The following RAPGEF5 variants were observed in gnomAD, a reference collection of about 807,000 sequenced individuals.
RAPGEF5 encodes M-Ras-regulated GEF.
In RAPGEF5, 65 loss-of-function variants were observed where a neutral mutation model predicts 125.2. That is an observed-to-expected ratio of 0.52 (90% CI 0.43 to 0.64). The LOEUF is 0.64. RAPGEF5 is among the 30% of genes least tolerant of loss of function. The pLI is 0.00. For missense variants in RAPGEF5, 958 were observed against 1,048.1 expected (o/e 0.91, Z 1.19); for synonymous variants, 391 against 385.9 (o/e 1.01, Z -0.16).
chr7:22,230,828 T>C lies in RAPGEF5; in HGVS notation c.870+18A>G. On this transcript the variant is annotated intron_variant, in intron 8 of 25. Transcript: ENST00000665637. ...CACAGAAGGGTATGATGAGGGGCTGTCACAGAATTGATCATACCTGAGAAT... is the reference window on the plus strand; with the variant it reads ...CACAGAAGGGTATGATGAGGGGCTGCCACAGAATTGATCATACCTGAGAAT... 2 of 1,557,386 alleles carry C rather than the reference T, an allele frequency of 1.3e-6. No individual in the cohort carries two copies. The highest frequency in any genetic ancestry group is 1.7e-6 in the Non-Finnish European group (2 of 1,147,110).
chr7:22,162,474 A>C lies in RAPGEF5; in HGVS notation c.1351T>G (p.Leu451Val). 6.2e-7 allele frequency: 1 copy of C among 1,604,554 alleles called. No homozygotes were observed. The highest frequency in any genetic ancestry group is 8.5e-7 in the Non-Finnish European group (1 of 1,171,374). ...GCAATCCACTGGGAAACAAGATGCA[A>C]GACTTTACGTTTCCTACGCGGAACG... ...SDVPRRKRKV[L>V]HLVSQWIALY... Residue 451 changes from leucine to valine, a missense_variant, in exon 13 of 26, where the codon TTG becomes GTG. By Grantham distance (32) the Leu-to-Val change is conservative. Coordinates refer to ENST00000665637, the MANE Select transcript of RAPGEF5 (RefSeq NM_012294.5).
At position 22,145,151 on chromosome 7, in the gene RAPGEF5, G is replaced by C; in HGVS notation, c.2079C>G (p.Leu693=). 1 of 1,613,696 alleles carries C rather than the reference G, an allele frequency of 6.2e-7. No individual in the cohort carries two copies. Among genetic ancestry groups the C allele is most frequent in the Non-Finnish European group, 8.5e-7 (1 of 1,179,764 alleles). Reference sequence around the variant, plus strand: ...AAAGCTGGACCTCATTGCATCTCTGGAGCAGAAGGCTGAGATTTGCAGTGT... The same window carrying C: ...AAAGCTGGACCTCATTGCATCTCTGCAGCAGAAGGCTGAGATTTGCAGTGT... ...GEHTANLSLL[L]QRCNEVQLWV... is the part of the protein sequence containing the mutation. Residue 693 remains leucine, a synonymous_variant, in exon 20 of 26, where the codon CTC becomes CTG. Transcript: ENST00000665637.
At chr7:22,310,135 C>A in intron 3 of RAPGEF5, 45 bp from the exon 4 acceptor site, 1 of 1,444,314 alleles carries the variant, frequency 6.9e-7, no homozygotes, top group Non-Finnish European at 9.1e-7. Flanking sequence ...TGCTGACATC[C>A]GTTTGCCAAA....
In RAPGEF5 at chr7:22,245,161, G is replaced by C. The variant is rs530351659; in HGVS notation, c.797-14242C>G. ...AAGTTCTTTGGCCATTTTAAAATCAGGTTTTCTTCCTATCATGTTGTTTCA... is the reference window on the plus strand; with the variant it reads ...AAGTTCTTTGGCCATTTTAAAATCACGTTTTCTTCCTATCATGTTGTTTCA... On this transcript the variant is annotated intron_variant, in intron 7 of 25. Transcript: ENST00000665637. Among the ~76,000 whole-genome samples the C allele has an allele frequency of 2.0e-5, 3 of 152,182 alleles. No homozygotes were observed. In the South Asian group the frequency reaches 6.2e-4, roughly 32 times the overall value.
At chr7:22,228,137 G>A (rs1299076109) in intron 8 of RAPGEF5, among the ~76,000 whole-genome samples, 2 of 152,146 alleles carry the variant, frequency 1.3e-5, no homozygotes, top group Admixed American at 6.5e-5. Flanking sequence ...TGTGTGTCAG[G>A]TGCTGTTCTA....
At chr7:22,273,416 C>T (rs1227987187) in intron 6 of RAPGEF5, among the ~76,000 whole-genome samples, 4 of 151,408 alleles carry the variant, frequency 2.6e-5, no homozygotes, top group African/African-American at 9.7e-5. Flanking sequence ...GACGGGGTTT[C>T]ACCATGTTAG....
At chr7:22,261,534 C>A (rs971661511) in intron 7 of RAPGEF5, among the ~76,000 whole-genome samples, 2 of 152,112 alleles carry the variant, frequency 1.3e-5, no homozygotes, top group African/African-American at 2.4e-5. Context: ...ACTGCTTGAG[C>A]CTGGGAGGTC....
At chr7:22,125,406 C>T (rs1306723044) in intron 25 of RAPGEF5, 198 bp downstream of exon 25, 8 of 524,464 alleles carry the variant, frequency 1.5e-5, no homozygotes, top group Non-Finnish European at 2.1e-5. Flanking sequence ...AATAATCTGC[C>T]ATATCTTGTC....
chr7:22,306,592 T>G (rs1186575669), intron 5 of RAPGEF5, among the ~76,000 whole-genome samples: 1 of 152,228 alleles, frequency 6.6e-6, no homozygotes, highest in East Asian at 1.9e-4. Context: ...TTTGTCCATT[T>G]TTGCATTAGT....
At chr7:22,146,258 G>T (rs1237147812) in intron 19 of RAPGEF5, among the ~76,000 whole-genome samples, 1 of 152,152 alleles carries the variant, frequency 6.6e-6, no homozygotes, top group Non-Finnish European at 1.5e-5. Context: ...GCAACATATG[G>T]TTACAGAGGG....
intron 13 of RAPGEF5, among the ~76,000 whole-genome samples, chr7:22,161,487 T>C (rs960122683): frequency 2.0e-5 from 3 of 151,416 alleles, no homozygotes; most frequent in Non-Finnish European, 2.9e-5. Context: ...CAGTGAACTA[T>C]GACTGCGTCA....
At chr7:22,234,840 A>G (rs375249931) in intron 7 of RAPGEF5, among the ~76,000 whole-genome samples, 221 of 152,070 alleles carry the variant, frequency 1.5e-3, no homozygotes, top group African/African-American at 5.0e-3. Context: ...AACAAACAAC[A>G]ACAACAAAAA....
At chr7:22,256,398 C>G (rs10499554) in intron 7 of RAPGEF5, among the ~76,000 whole-genome samples, 27,081 of 152,040 alleles carry the variant, frequency 0.18, 3,016 homozygotes, top group East Asian at 0.56. Flanking sequence ...ATTGTTAGAA[C>G]AGGATTTTTA....
At chr7:22,328,226 AG>A (rs1405044392) in intron 1 of RAPGEF5, among the ~76,000 whole-genome samples, 1 of 152,236 alleles carries the variant, frequency 6.6e-6, no homozygotes, top group Non-Finnish European at 1.5e-5. Flanking sequence ...AAGGGAAAAC[AG>A]GATGTGTGAG....
rs540147642 is a variant in RAPGEF5 at position 22,283,646 on chromosome 7, ACT to A, written c.747+7527_747+7528del. 4.9e-4 allele frequency among the ~76,000 whole-genome samples: 74 copies of A among 152,220 alleles called. 1 individual carries two copies. The South Asian group carries it at 0.015, about 31-fold the overall frequency. On this transcript the variant is annotated intron_variant, in intron 6 of 25. Transcript: ENST00000665637. ...CACATTAACACTTCACAAACCCATG[ACT>A]CTCAATATCCAAATTGAGAGTCAAA... is the stretch of plus-strand genomic sequence containing the variant.
intron 20 of RAPGEF5, 55 bp from the exon 21 acceptor site, chr7:22,140,170 A>G (rs1189642655): frequency 6.8e-7 from 1 of 1,471,210 alleles, no homozygotes; most frequent in Admixed American, 2.0e-5. Context: ...TTCCCCAGAT[A>G]ATCACAAAAG....
chr7:22,277,286 A>C (rs553504276), intron 6 of RAPGEF5, among the ~76,000 whole-genome samples: 2 of 152,380 alleles, frequency 1.3e-5, no homozygotes, highest in East Asian at 3.9e-4. Context: ...AGCTTCTGAC[A>C]TTCAAAAGAG....
chr7:22,274,484 C>G (rs1362211820), intron 6 of RAPGEF5, among the ~76,000 whole-genome samples: 1 of 151,892 alleles, frequency 6.6e-6, no homozygotes, highest in Non-Finnish European at 1.5e-5. Flanking sequence ...CACACACCAC[C>G]AGGCCTGGCT....
At chr7:22,129,034 C>T (rs990796692) in intron 24 of RAPGEF5, among the ~76,000 whole-genome samples, 6 of 152,130 alleles carry the variant, frequency 3.9e-5, no homozygotes, top group South Asian at 2.1e-4. Context: ...TGAGAGCTGG[C>T]GTTAAGAGGC....
Sources: allele counts gnomAD v4.1 joint callset (sites outside exome capture counted in the v4.1 genomes callset), GRCh38; gene constraint gnomAD v4.1.1; transcripts MANE v1.5; gene names NCBI Gene and HGNC (gene_info 2026-07-23, HGNC 2026-07-21).